TRMT9B: variants seen among roughly 807,000 people sequenced by gnomAD.
TRMT9B encodes the protein tRNA methyltransferase 9B (putative).
A neutral mutation model predicts 11.5 loss-of-function variants in TRMT9B; 16 were observed. The observed-to-expected ratio is 1.39, with a 90% CI of 0.94 to 2.11. The LOEUF (loss-of-function observed/expected upper bound fraction) is 2.11, where lower values mean the gene tolerates loss of function less well. Among genes scored for constraint, TRMT9B ranks in the 30% most tolerant of loss-of-function variants. The pLI is 0.00. For synonymous variants in TRMT9B, 274 were observed against 192.4 expected (o/e 1.42, Z -3.51); for missense variants, 941 against 553.8 (o/e 1.70, Z -7.02).
intron 1 of TRMT9B, among the ~76,000 whole-genome samples, chr8:12,980,274 G>A (rs1404529189): frequency 6.6e-6 from 1 of 152,122 alleles, no homozygotes. Context: ...TTGTGCTAGT[G>A]TAACTCCAAT....
At chr8:12,967,010 C>T (rs142999293) in intron 1 of TRMT9B, among the ~76,000 whole-genome samples, 119 of 152,204 alleles carry the variant, frequency 7.8e-4, no homozygotes, top group Middle Eastern at 3.4e-3. Context: ...TTACAGACAC[C>T]GACGGTGAAT....
chr8:12,957,543 T>C (rs1221678682), intron 1 of TRMT9B, among the ~76,000 whole-genome samples: 2 of 152,152 alleles, frequency 1.3e-5, no homozygotes, highest in African/African-American at 4.8e-5. Flanking sequence ...CTTAATACAA[T>C]TATGAAATAG....
In TRMT9B at chr8:13,029,550, C is replaced by G. The variant is rs1156856880; in HGVS notation, c.*7506C>G. On this transcript the variant is annotated 3_prime_UTR_variant, in exon 5 of 5. Transcript: ENST00000524591. ...GTGTTCCCAGGTGAACAAAAGTTTGCTTTTCTTCACCATTCTGTACAGGAC... is the reference window on the plus strand; with the variant it reads ...GTGTTCCCAGGTGAACAAAAGTTTGGTTTTCTTCACCATTCTGTACAGGAC... 1.2e-5 allele frequency: 2 copies of G among 166,690 alleles called. No homozygotes were observed. The highest frequency in any genetic ancestry group is 2.9e-5 in the Non-Finnish European group (2 of 68,094). 10.3% of individuals were successfully genotyped at this position (166,690 alleles called of 1,614,324 possible).
intron 4 of TRMT9B, among the ~76,000 whole-genome samples, chr8:13,016,457 G>A (rs905725861): frequency 2.7e-5 from 4 of 149,656 alleles, no homozygotes; most frequent in African/African-American, 9.8e-5. Context: ...TCTCTCTTAT[G>A]TCCCTATATA....
chr8:13,017,092 C>A (rs1446772276), intron 4 of TRMT9B, among the ~76,000 whole-genome samples: 4 of 151,778 alleles, frequency 2.6e-5, no homozygotes, highest in Admixed American at 6.6e-5. Flanking sequence ...CACTGCACTC[C>A]AGCCTGGGCG....
chr8:12,950,183 C>T (rs1211387941), intron 1 of TRMT9B, among the ~76,000 whole-genome samples: 2 of 152,174 alleles, frequency 1.3e-5, no homozygotes, highest in African/African-American at 2.4e-5. Context: ...CTAAATCAGA[C>T]ATTGGACACC....
chr8:12,970,217 A>G (rs1299385442), intron 1 of TRMT9B: 1 of 152,242 alleles, frequency 6.6e-6, no homozygotes, highest in Non-Finnish European at 1.5e-5. Flanking sequence ...TTACTTCGTT[A>G]GCTTGTAGAC....
chr8:12,990,726 A>G (rs1799779300), intron 1 of TRMT9B, 108 bp from the exon 2 acceptor site: 2 of 481,174 alleles, frequency 4.2e-6, no homozygotes, highest in South Asian at 5.2e-5. Flanking sequence ...TCTAATCCCT[A>G]CTTGGCTGGG....
intron 2 of TRMT9B, among the ~76,000 whole-genome samples, chr8:12,992,200 G>A (rs555137408): frequency 1.3e-5 from 2 of 152,268 alleles, no homozygotes; most frequent in Admixed American, 1.3e-4. Flanking sequence ...GCTCTATGAT[G>A]TACAGATGAG....
chr8:12,995,086 A>G (rs1277528828), intron 2 of TRMT9B, among the ~76,000 whole-genome samples: 1 of 152,240 alleles, frequency 6.6e-6, no homozygotes, highest in African/African-American at 2.4e-5. Context: ...TTACACACAC[A>G]GAGGGCTCAC....
intron 1 of TRMT9B, among the ~76,000 whole-genome samples, chr8:12,962,843 GA>G (rs1455618174): frequency 1.3e-5 from 2 of 152,114 alleles, no homozygotes; most frequent in Non-Finnish European, 2.9e-5. Flanking sequence ...GTGAGTCTTT[GA>G]AAAGCAGAAC....
At chr8:12,992,467 G>C (rs549163775) in intron 2 of TRMT9B, among the ~76,000 whole-genome samples, 19 of 152,090 alleles carry the variant, frequency 1.2e-4, no homozygotes, top group African/African-American at 4.6e-4. Context: ...TGTGATAGGA[G>C]GTGTAGGTTC....
At chr8:13,011,775 A>T (rs1007945805) in intron 3 of TRMT9B, 1 of 958,166 alleles carries the variant, frequency 1.0e-6, no homozygotes, top group South Asian at 4.8e-5. Flanking sequence ...TTATAATCTG[A>T]GTTGTATACT....
chr8:13,027,730 CTAT>C lies in TRMT9B; in HGVS notation c.*5687_*5689del, dbSNP rs1814858707. On this transcript the variant is annotated 3_prime_UTR_variant, in exon 5 of 5. Coordinates refer to ENST00000524591, the MANE Select transcript of TRMT9B (RefSeq NM_020844.3). ...AAAAATGCACGATACAGGCTTCATT[CTAT>C]CAAGAGGCATATGAGGTAAGCGTTA... 6.0e-6 allele frequency: 1 copy of C among 167,034 alleles called. No individual in the cohort carries two copies. The highest frequency in any genetic ancestry group is 2.4e-5 in the African/African-American group (1 of 41,434). 10.3% of individuals were successfully genotyped at this position (167,034 alleles called of 1,614,324 possible). A position where few individuals can be genotyped will look rare whatever the true frequency, so the allele number is the denominator to read the frequency against.
intron 1 of TRMT9B, among the ~76,000 whole-genome samples, chr8:12,971,915 C>CA (rs140006177): frequency 0.015 from 2,193 of 150,852 alleles, 54 homozygotes; most frequent in African/African-American, 0.049. Context: ...ATCAGTGAAC[C>CA]AAAAAAAACC....
intron 1 of TRMT9B, among the ~76,000 whole-genome samples, chr8:12,964,148 G>A (rs181408949): frequency 2.6e-5 from 4 of 152,160 alleles, no homozygotes; most frequent in African/African-American, 4.8e-5. Flanking sequence ...AAAAAGACTC[G>A]TGTCATTATT....
chr8:12,969,352 T>A (rs1803263712), intron 1 of TRMT9B, among the ~76,000 whole-genome samples: 1 of 152,168 alleles, frequency 6.6e-6, no homozygotes, highest in Admixed American at 6.5e-5. Flanking sequence ...GTTTCTGTAT[T>A]GTGTATATAT....
chr8:12,959,823 C>G (rs1324455086), intron 1 of TRMT9B: 1 of 152,222 alleles, frequency 6.6e-6, no homozygotes, highest in African/African-American at 2.4e-5. Context: ...GCCACCATGC[C>G]TGGCCTGGTC....
In TRMT9B at chr8:13,028,439, A is replaced by G. The variant is rs1415578177; in HGVS notation, c.*6395A>G. 1 of 167,032 alleles carries G rather than the reference A, an allele frequency of 6.0e-6. No homozygotes were observed. The highest frequency in any genetic ancestry group is 2.4e-5 in the African/African-American group (1 of 41,446). 10.3% of individuals were successfully genotyped at this position (167,032 alleles called of 1,614,324 possible). A position where few individuals can be genotyped will look rare whatever the true frequency, so the allele number is the denominator to read the frequency against. ...TGATTTTTCTATGAATATTACCTCC[A>G]CATTGAAAAACGAGTGAGTCACTGC... On this transcript the variant is annotated 3_prime_UTR_variant, in exon 5 of 5. Transcript: ENST00000524591.
Sources: gnomAD v4.1 joint callset for allele counts (sites outside exome capture counted in the v4.1 genomes callset) on GRCh38, gnomAD v4.1.1 for gene constraint, MANE v1.5 for transcripts, NCBI Gene and HGNC (gene_info 2026-07-23, HGNC 2026-07-21) for gene names.